Variants in CCDC13 observed in about 807,000 individuals in gnomAD.
The protein encoded by CCDC13 is coiled-coil domain-containing protein 13.
Under a neutral mutation model 87.3 loss-of-function variants are expected in CCDC13, and 70 were observed. The ratio of observed to expected loss-of-function variants is 0.80; its 90% CI spans 0.66 to 0.98. The LOEUF (loss-of-function observed/expected upper bound fraction) is 0.98, where lower values mean the gene tolerates loss of function less well. Among genes scored for constraint, CCDC13 ranks in the 50% least tolerant of loss-of-function variants. CCDC13 has a pLI of 0.00. For synonymous variants in CCDC13, 317 were observed against 360.3 expected (o/e 0.88, Z 1.36); for missense variants, 842 against 892.0 (o/e 0.94, Z 0.71).
intron 5 of CCDC13, 116 bp downstream of exon 5, chr3:42,751,820 C>T (rs368887801): frequency 7.1e-5 from 59 of 829,438 alleles, no homozygotes; most frequent in Non-Finnish European, 9.1e-5. Context: ...GGCTCGGCAG[C>T]GGGGTTGGGG....
At chr3:42,741,288 C>T (rs1465474659) in intron 8 of CCDC13, among the ~76,000 whole-genome samples, 1 of 152,136 alleles carries the variant, frequency 6.6e-6, no homozygotes, top group African/African-American at 2.4e-5. Context: ...GGTGTCTGGC[C>T]CTTCCATGAC....
At position 42,707,973 on chromosome 3, in the gene CCDC13, A is replaced by G. The variant is rs1698214462; in HGVS notation, c.*1007T>C. 6.6e-6 allele frequency among the ~76,000 whole-genome samples: 1 copy of G among 152,164 alleles called. No homozygotes were observed. The highest frequency in any genetic ancestry group is 1.5e-5 in the Non-Finnish European group (1 of 68,002). On this transcript the variant is annotated 3_prime_UTR_variant, in exon 16 of 16. Transcript: ENST00000310232. ...ACAGTCATAGAGGCCTGCGGATCTT[A>G]GGGTGCCCCTGCAGCATCCCTCCAA...
In CCDC13 at chr3:42,708,661, GC is replaced by G. The variant is rs1310747205; in HGVS notation, c.*318del. 4.0e-6 allele frequency: 1 copy of G among 251,692 alleles called. No individual in the cohort carries two copies. Among genetic ancestry groups the G allele is most frequent in the African/African-American group, 2.3e-5 (1 of 44,208 alleles). 15.6% of individuals were successfully genotyped at this position (251,692 alleles called of 1,614,324 possible). On this transcript the variant is annotated 3_prime_UTR_variant, in exon 16 of 16. Transcript: ENST00000310232. Reference sequence around the variant, plus strand: ...CCTAGGATGAGGGCGATGAACACCTGCCCGAGGGACTGCATCTGTCCATTCA... The same window carrying G: ...CCTAGGATGAGGGCGATGAACACCTGCCGAGGGACTGCATCTGTCCATTCA...
rs752988457 is a variant in CCDC13, at chr3:42,739,740, C to T, written c.1058G>A (p.Arg353Lys). ...EELKKKFEGM[R>K]SRNKLLSSEM... ...ACTTGACAGCAGCTTGTTCCGAGAC[C>T]TCATGCCCTCGAACTTCTTTTTTAG... is the stretch of plus-strand genomic sequence containing the variant. Residue 353 changes from arginine (R) to lysine (K), a missense_variant, in exon 9 of 16, where the codon AGG becomes AAG. By Grantham distance (26) the Arg-to-Lys change is conservative. Transcript: ENST00000310232. 1 of 1,614,212 alleles carries T rather than the reference C, an allele frequency of 6.2e-7. No individual in the cohort carries two copies. The highest frequency in any genetic ancestry group is 8.5e-7 in the Non-Finnish European group (1 of 1,180,032).
At chr3:42,737,815 T>TA (rs1349949695) in intron 9 of CCDC13, among the ~76,000 whole-genome samples, 1 of 152,244 alleles carries the variant, frequency 6.6e-6, no homozygotes, top group African/African-American at 2.4e-5. Context: ...TATTAGCCCT[T>TA]TGTCAGATGG....
At chr3:42,704,951 A>G (rs1698141406), downstream of CCDC13, 1 of 152,202 alleles carries the variant, frequency 6.6e-6, no homozygotes, top group Non-Finnish European at 1.5e-5. Flanking sequence ...AAATGCGAGG[A>G]AAGTATCCTG....
At chr3:42,743,600 TACACAC>T (rs377644122) in intron 7 of CCDC13, among the ~76,000 whole-genome samples, 12 of 125,710 alleles carry the variant, frequency 9.5e-5, no homozygotes, top group African/African-American at 3.2e-4. Context: ...TATATATATA[TACACAC>T]ACACATATAT....
At chr3:42,751,811 G>T in intron 5 of CCDC13, 125 bp downstream of exon 5, 1 of 754,360 alleles carries the variant, frequency 1.3e-6, no homozygotes, top group Non-Finnish European at 2.2e-6. Context: ...TGGGCACCTG[G>T]CTCGGCAGCG....
At chr3:42,771,077 G>A (rs1307416448) in intron 1 of CCDC13, 4 of 152,138 alleles carry the variant, frequency 2.6e-5, no homozygotes, top group African/African-American at 9.7e-5. Flanking sequence ...TACTTCAATA[G>A]GTGAGTAGAT....
intron 10 of CCDC13, among the ~76,000 whole-genome samples, chr3:42,735,319 AAG>A (rs1698972034): frequency 6.6e-6 from 1 of 151,680 alleles, no homozygotes; most frequent in Non-Finnish European, 1.5e-5. Context: ...GGGTGGCAGC[AAG>A]AGTTAGTCAC....
At chr3:42,727,782 G>A (rs1698723332) in intron 13 of CCDC13, among the ~76,000 whole-genome samples, 1 of 152,086 alleles carries the variant, frequency 6.6e-6, no homozygotes, top group South Asian at 2.1e-4. Context: ...AAAGTTAAGG[G>A]TGACCACTAA....
chr3:42,742,399 C>A (rs1028737962), intron 8 of CCDC13, among the ~76,000 whole-genome samples: 3 of 152,210 alleles, frequency 2.0e-5, no homozygotes, highest in African/African-American at 7.2e-5. Flanking sequence ...GCACCTGAAG[C>A]TAGGCCACCT....
chr3:42,747,583 T>C (rs750780932), intron 5 of CCDC13, among the ~76,000 whole-genome samples: 3 of 152,242 alleles, frequency 2.0e-5, no homozygotes, highest in Non-Finnish European at 2.9e-5. Flanking sequence ...GTAAGTCCTC[T>C]ACTTGAGCTA....
At chr3:42,723,033 G>A (rs762692025) in intron 13 of CCDC13, among the ~76,000 whole-genome samples, 3 of 151,996 alleles carry the variant, frequency 2.0e-5, no homozygotes, top group Non-Finnish European at 4.4e-5. Context: ...TCCTGACCTC[G>A]TGACCTGCCC....
chr3:42,766,546 A>G (rs1206059276), intron 1 of CCDC13, among the ~76,000 whole-genome samples: 1 of 150,152 alleles, frequency 6.7e-6, no homozygotes, highest in African/African-American at 2.5e-5. Flanking sequence ...CTCTCACTGC[A>G]GTGAGCCATG....
At chr3:42,728,577 C>A (rs915497074) in intron 13 of CCDC13, among the ~76,000 whole-genome samples, 2 of 152,142 alleles carry the variant, frequency 1.3e-5, no homozygotes, top group Admixed American at 1.3e-4. Context: ...TGAAAGGAAT[C>A]ATCATTTTTG....
chr3:42,758,095 A>ACACACACC (rs766044655), intron 2 of CCDC13, 30 bp downstream of exon 2: 6 of 1,466,060 alleles, frequency 4.1e-6, no homozygotes, highest in African/African-American at 3.0e-5. Context: ...ACACACACAC[A>ACACACACC]CCCCTGAGAG....
At chr3:42,739,895 G>GGCCC (rs1699159873) in intron 8 of CCDC13, 85 bp from the exon 9 acceptor site, 1 of 1,327,570 alleles carries the variant, frequency 7.5e-7, no homozygotes, top group Non-Finnish European at 1.1e-6. Context: ...TCAATGGCAA[G>GGCCC]GCCCGGGGCT....
chr3:42,762,588 T>A (rs1189973395), intron 1 of CCDC13, among the ~76,000 whole-genome samples: 2 of 152,216 alleles, frequency 1.3e-5, no homozygotes, highest in African/African-American at 4.8e-5. Context: ...GTACTCCATG[T>A]AAGTTGCCAC....
Sources: gnomAD v4.1 joint callset for allele counts (sites outside exome capture counted in the v4.1 genomes callset) on GRCh38, gnomAD v4.1.1 for gene constraint, MANE v1.5 for transcripts, NCBI Gene and HGNC (gene_info 2026-07-23, HGNC 2026-07-21) for gene names.